Variants in IFNGR1 observed in about 807,000 individuals in gnomAD.
IFNGR1 encodes AVP, type 2.
IFNGR1 carries 23 observed loss-of-function variants against 35.4 expected under a neutral mutation model. The observed-to-expected ratio is 0.65, with a 90% CI of 0.47 to 0.92. The LOEUF (loss-of-function observed/expected upper bound fraction) is 0.92, where lower values mean the gene tolerates loss of function less well. Among genes scored for constraint, IFNGR1 ranks in the 40% least tolerant of loss-of-function variants. The pLI is 0.00. For synonymous variants in IFNGR1, 199 were observed against 209.5 expected, an observed-to-expected ratio of 0.95 and a Z score of 0.43; for missense variants, 533 against 583.4, an observed-to-expected ratio of 0.91 and a Z score of 0.89.
intron 1 of IFNGR1, among the ~76,000 whole-genome samples, chr6:137,207,723 T>C (rs1407227164): frequency 6.6e-6 from 1 of 152,202 alleles, no homozygotes; most frequent in Non-Finnish European, 1.5e-5. Flanking sequence ...TCTCCAACCA[T>C]GTGGAACTGT....
intron 4 of IFNGR1, 68 bp downstream of exon 4, chr6:137,204,264 A>G: frequency 1.6e-6 from 2 of 1,265,734 alleles, no homozygotes; most frequent in Admixed American, 1.7e-5. Context: ...TTTTCATTAC[A>G]CTACAGAAAG....
chr6:137,208,756 T>A (rs1779508808), intron 1 of IFNGR1, among the ~76,000 whole-genome samples: 1 of 152,230 alleles, frequency 6.6e-6, no homozygotes, highest in Non-Finnish European at 1.5e-5. Flanking sequence ...GAACCTCTGC[T>A]AGGCCAGTGT....
intron 1 of IFNGR1, among the ~76,000 whole-genome samples, chr6:137,216,441 A>G (rs895817875): frequency 6.6e-6 from 1 of 152,232 alleles, no homozygotes; most frequent in African/African-American, 2.4e-5. Context: ...CACAGATTTT[A>G]TTTTCACTTA....
chr6:137,199,441 A>ATATATAACTTATAT (rs1779191789), intron 6 of IFNGR1, among the ~76,000 whole-genome samples: 1 of 39,128 alleles, frequency 2.6e-5, no homozygotes, highest in African/African-American at 8.7e-5. Context: ...TTATAATATA[A>ATATATAACTTATAT]TATATAAAAT....
chr6:137,202,602 T>TACACACACACAC (rs3839519), intron 5 of IFNGR1, among the ~76,000 whole-genome samples: 42 of 142,196 alleles, frequency 3.0e-4, no homozygotes, highest in East Asian at 1.0e-3. Context: ...AATATATGTA[T>TACACACACACAC]ACACACACAC....
At chr6:137,218,650 A>C (rs1779765583) in intron 1 of IFNGR1, 2 of 379,062 alleles carry the variant, frequency 5.3e-6, no homozygotes, top group African/African-American at 2.4e-5. Flanking sequence ...CCACGATGCC[A>C]CATGCTGATC....
chr6:137,206,293 T>C lies in IFNGR1; in HGVS notation c.216A>G (p.Glu72=), dbSNP rs141574133. The part of the protein sequence containing the change: ...EVKNYGVKNS[E]WIDACINISH... The stretch of plus-strand genomic sequence containing the variant: ...AAATATTGATGCAGGCATCAATCCA[T>C]TCTGAATTCTTAACACTAAAAAGAA... Residue 72 remains glutamate, a synonymous_variant, in exon 3 of 7, where the codon GAA becomes GAG. Transcript: ENST00000367739. 3.5e-4 allele frequency: 560 copies of C among 1,604,116 alleles called. 1 individual carries two copies. The African/African-American group carries it at 6.9e-3, about 20-fold the overall frequency.
intron 6 of IFNGR1, 23 bp from the exon 7 acceptor site, chr6:137,198,662 A>C: frequency 2.5e-6 from 4 of 1,592,478 alleles, no homozygotes; most frequent in Non-Finnish European, 3.4e-6. Flanking sequence ...AAATTGATTA[A>C]AGATAAAAAA....
At position 137,198,386 on chromosome 6, in the gene IFNGR1, G is replaced by A; in HGVS notation, c.1115C>T (p.Thr372Ile). Residue 372 changes from threonine (T) to isoleucine (I), a missense_variant, in exon 7 of 7, where the codon ACT (threonine) becomes ATT (isoleucine). Thr to Ile is a moderately conservative substitution (Grantham distance 89). Coordinates refer to ENST00000367739, the MANE Select transcript of IFNGR1 (RefSeq NM_000416.3). Reference sequence around the variant, plus strand: ...TGAAGAACTCTCTCTCTCTATTGGAGTCAGATGGCTGCCCGGGACCACGTC... The same window carrying A: ...TGAAGAACTCTCTCTCTCTATTGGAATCAGATGGCTGCCCGGGACCACGTC... ...IPDVVPGSHL[T>I]PIERESSSPL... 1 of 1,614,126 alleles carries A rather than the reference G, an allele frequency of 6.2e-7. No homozygotes were observed. The highest frequency in any genetic ancestry group is 8.5e-7 in the Non-Finnish European group (1 of 1,180,034).
chr6:137,209,862 C>A (rs2114499127), intron 1 of IFNGR1: 2 of 398,660 alleles, frequency 5.0e-6, no homozygotes, highest in East Asian at 7.1e-5. Flanking sequence ...AAAGATTGAA[C>A]AATGGAGCCA....
At chr6:137,212,954 G>A (rs899772126) in intron 1 of IFNGR1, among the ~76,000 whole-genome samples, 9 of 152,172 alleles carry the variant, frequency 5.9e-5, no homozygotes, top group Non-Finnish European at 1.2e-4. Context: ...ACCAAAAGAT[G>A]TAATCTGTGG....
rs371465030 is a variant in IFNGR1, at chr6:137,203,510, C to A, written c.722G>T (p.Ser241Ile). ...TGGCAAGAACTTACCTTTTATACTG[C>A]TATTGAAAATGGTAATACAAACTTC... is the stretch of plus-strand genomic sequence containing the variant. ...SKEVCITIFNSSIKGSLWIPV... is the reference protein window; with the variant it reads ...SKEVCITIFNISIKGSLWIPV... The change falls in exon 5 of 7, where the codon AGC (serine) becomes ATC (isoleucine). Residue 241 changes from serine to isoleucine, a missense_variant. Physicochemically the swap from Ser to Ile is moderately radical, Grantham distance 142. Coordinates refer to ENST00000367739, the MANE Select transcript of IFNGR1 (RefSeq NM_000416.3). 6.4e-7 allele frequency: 1 copy of A among 1,571,254 alleles called. No homozygotes were observed. The highest frequency in any genetic ancestry group is 1.7e-5 in the Admixed American group (1 of 59,926).
chr6:137,213,629 G>A (rs1779624006), intron 1 of IFNGR1, among the ~76,000 whole-genome samples: 1 of 152,356 alleles, frequency 6.6e-6, no homozygotes, highest in South Asian at 2.1e-4. Context: ...AGATCAGCAG[G>A]TGATACAGAG....
At chr6:137,211,954 T>C (rs1025533063) in intron 1 of IFNGR1, among the ~76,000 whole-genome samples, 2 of 152,206 alleles carry the variant, frequency 1.3e-5, no homozygotes, top group Non-Finnish European at 2.9e-5. Flanking sequence ...TTCTTCATTT[T>C]GGCATTTTTT....
rs121913175 is a variant in IFNGR1 at position 137,206,020 on chromosome 6, A to G, written c.373+116T>C. On this transcript the variant is annotated intron_variant, in intron 3 of 6. Transcript: ENST00000367739. ...ACCTGTACTGACTCTAAATTCCTCCAAGTGTTTCTTAAGCATTGTGATAAT... is the reference window on the plus strand; with the variant it reads ...ACCTGTACTGACTCTAAATTCCTCCGAGTGTTTCTTAAGCATTGTGATAAT... 8.9e-5 allele frequency: 76 copies of G among 856,610 alleles called. No individual in the cohort carries two copies. In the African/African-American group the frequency reaches 1.1e-3, roughly 12 times the overall value. 53.1% of individuals were successfully genotyped at this position (856,610 alleles called of 1,614,324 possible).
At chr6:137,215,487 G>A (rs1779672218) in intron 1 of IFNGR1, 1 of 576,190 alleles carries the variant, frequency 1.7e-6, no homozygotes, top group Non-Finnish European at 2.7e-6. Context: ...CTAAAATAAA[G>A]GCACCCCTTT....
chr6:137,206,050 A>G (rs2114486078), intron 3 of IFNGR1, 86 bp downstream of exon 3: 3 of 1,079,640 alleles, frequency 2.8e-6, no homozygotes, highest in East Asian at 2.4e-5. Context: ...GATAATTTTC[A>G]GCAACTGCTA....
At position 137,217,805 on chromosome 6, in the gene IFNGR1, C is replaced by G. The variant is rs17066163; in HGVS notation, c.85+1438G>C. Among the ~76,000 whole-genome samples, 3,092 of 152,270 alleles carry G rather than the reference C, an allele frequency of 0.02. 243 individuals are homozygous for G. The South Asian group carries it at 0.28, about 14-fold the overall frequency. On this transcript the variant is annotated intron_variant, in intron 1 of 6. Coordinates refer to ENST00000367739, the MANE Select transcript of IFNGR1 (RefSeq NM_000416.3). Reference sequence around the variant, plus strand: ...AATTCATTATTTGGTTCCTACTTCTCCACCTAACCTATCTCCTCCCCTTGT... The same window carrying G: ...AATTCATTATTTGGTTCCTACTTCTGCACCTAACCTATCTCCTCCCCTTGT...
chr6:137,217,703 G>T (rs138379916), intron 1 of IFNGR1, among the ~76,000 whole-genome samples: 1 of 152,040 alleles, frequency 6.6e-6, no homozygotes, highest in African/African-American at 2.4e-5. Flanking sequence ...TTTAACTCTG[G>T]TTTTTCTGAG....
Sources: gnomAD v4.1 joint callset for allele counts (sites outside exome capture counted in the v4.1 genomes callset) on GRCh38, gnomAD v4.1.1 for gene constraint, MANE v1.5 for transcripts, NCBI Gene and HGNC (gene_info 2026-07-23, HGNC 2026-07-21) for gene names.